NEK11: variants seen among roughly 807,000 people sequenced by gnomAD.
NEK11 encodes the protein serine/threonine-protein kinase Nek11.
NEK11 carries 72 observed loss-of-function variants against 80.7 expected under a neutral mutation model. That is an observed-to-expected ratio of 0.89 (90% confidence interval 0.74 to 1.08). The LOEUF (loss-of-function observed/expected upper bound fraction) is 1.08, where lower values mean the gene tolerates loss of function less well. Ranked by LOEUF, NEK11 falls within the 50% of genes least tolerant of loss-of-function variation. The probability of loss-of-function intolerance (pLI) is 0.00; values close to 1 mark genes in which losing one functional copy is unlikely to be tolerated. For synonymous variants in NEK11, 251 were observed against 260.7 expected (o/e 0.96, Z 0.36); for missense variants, 764 against 763.6 (o/e 1.00, Z -0.01).
At chr3:131,319,178 A>G (rs114639759) in intron 17 of NEK11, among the ~76,000 whole-genome samples, 1,565 of 152,294 alleles carry the variant, frequency 0.01, 21 homozygotes, top group African/African-American at 0.035. Flanking sequence ...TTATTGCCAA[A>G]TTGATTTCCA....
At chr3:131,230,904 A>G (rs2095316273) in intron 15 of NEK11, among the ~76,000 whole-genome samples, 1 of 152,138 alleles carries the variant, frequency 6.6e-6, no homozygotes, top group Non-Finnish European at 1.5e-5. Context: ...TTCTCATGGT[A>G]GTGAATAAGT....
chr3:131,038,170 A>T (rs766842889), intron 3 of NEK11, among the ~76,000 whole-genome samples: 2 of 152,184 alleles, frequency 1.3e-5, no homozygotes, highest in African/African-American at 2.4e-5. Flanking sequence ...TATTAAAAAC[A>T]GTTCAGATTC....
chr3:131,330,629 G>T (rs1045902747), intron 17 of NEK11: 2 of 152,158 alleles, frequency 1.3e-5, no homozygotes, highest in Non-Finnish European at 2.9e-5. Flanking sequence ...TATTTGAAGA[G>T]TCTGTCATCA....
chr3:131,055,159 A>C (rs2069218863), intron 3 of NEK11, among the ~76,000 whole-genome samples: 2 of 152,216 alleles, frequency 1.3e-5, no homozygotes, highest in South Asian at 4.1e-4. Flanking sequence ...TCCTGCAGTA[A>C]AAAATAGAGA....
In NEK11 at chr3:131,129,408, C is replaced by T. The variant is rs146499490; in HGVS notation, c.456-3337C>T. Among the ~76,000 whole-genome samples, 330 of 152,200 alleles carry T rather than the reference C, an allele frequency of 2.2e-3. 2 individuals carry two copies. Among genetic ancestry groups the T allele is most frequent in the Non-Finnish European group, 3.5e-3 (237 of 67,992 alleles). On this transcript the variant is annotated intron_variant, in intron 5 of 17. Transcript: ENST00000383366. ...TATTTTCTCCCAGTCTGTGGCTTAT[C>T]TTTTTATTCCTTGACAGTGTTTTCT...
rs1271737604 is a variant in NEK11 at position 131,149,577 on chromosome 3, A to G, written c.648-2811A>G. Among the ~76,000 whole-genome samples, 3 of 152,206 alleles carry G rather than the reference A, an allele frequency of 2.0e-5. No homozygotes were observed. The East Asian group carries it at 5.8e-4, about 29-fold the overall frequency. Reference sequence around the variant, plus strand: ...TATCTCTGTTTAATAGATAAAAACTATTCAGATTATCTTTTTCTTCTTGTG... The same window carrying G: ...TATCTCTGTTTAATAGATAAAAACTGTTCAGATTATCTTTTTCTTCTTGTG... On this transcript the variant is annotated intron_variant, in intron 7 of 17. Coordinates refer to ENST00000383366, the MANE Select transcript of NEK11 (RefSeq NM_024800.5).
chr3:131,237,183 A>C (rs2095444714), intron 15 of NEK11, among the ~76,000 whole-genome samples: 1 of 152,026 alleles, frequency 6.6e-6, no homozygotes, highest in Non-Finnish European at 1.5e-5. Flanking sequence ...CTACAAAAAA[A>C]TTTTAAAATA....
intron 3 of NEK11, among the ~76,000 whole-genome samples, chr3:131,063,517 A>T (rs781634438): frequency 2.0e-5 from 3 of 152,174 alleles, no homozygotes; most frequent in Non-Finnish European, 4.4e-5. Flanking sequence ...CAGAGTGGGA[A>T]ACAGAAGCAA....
chr3:131,073,802 T>G (rs2073867545), intron 3 of NEK11, among the ~76,000 whole-genome samples: 1 of 152,174 alleles, frequency 6.6e-6, no homozygotes, highest in African/African-American at 2.4e-5. Flanking sequence ...AACATTTTCT[T>G]ATGCATGGAC....
chr3:131,214,220 T>C (rs1222671814), intron 14 of NEK11, among the ~76,000 whole-genome samples: 1 of 152,226 alleles, frequency 6.6e-6, no homozygotes, highest in African/African-American at 2.4e-5. Flanking sequence ...TTGTCGTAAA[T>C]TTGTAAGTCT....
intron 15 of NEK11, among the ~76,000 whole-genome samples, chr3:131,231,082 C>T (rs1215942038): frequency 6.6e-6 from 1 of 152,092 alleles, no homozygotes; most frequent in Non-Finnish European, 1.5e-5. Flanking sequence ...TTATAAATTA[C>T]CCAGCCTCAC....
chr3:131,080,139 G>T (rs1251757357), intron 3 of NEK11, among the ~76,000 whole-genome samples: 1 of 151,898 alleles, frequency 6.6e-6, no homozygotes, highest in African/African-American at 2.4e-5. Flanking sequence ...GAAACATCTA[G>T]AGAGGTGGAG....
intron 12 of NEK11, among the ~76,000 whole-genome samples, chr3:131,165,866 A>AAC (rs1205023478): frequency 6.6e-6 from 1 of 152,072 alleles, no homozygotes; most frequent in Non-Finnish European, 1.5e-5. Context: ...TTGTTGCTTT[A>AAC]CCTCTTTAGT....
Position 131,102,337 on chromosome 3 carries a change from C to G in NEK11, c.337-7466C>G, listed in dbSNP as rs116981355. Among the ~76,000 whole-genome samples the G allele has an allele frequency of 1.8e-3, 280 of 152,242 alleles. 8 individuals are homozygous for G. In the East Asian group the frequency reaches 0.048, roughly 26 times the overall value. ...GCCATTCTTTCAATTCCACATTTAG[C>G]ACTCCCTTAAGGACCACTCGTGAGG... is the stretch of plus-strand genomic sequence containing the variant. On this transcript the variant is annotated intron_variant, in intron 4 of 17. Transcript: ENST00000383366.
At chr3:131,332,309 G>A (rs1306396383) in intron 17 of NEK11, among the ~76,000 whole-genome samples, 3 of 152,308 alleles carry the variant, frequency 2.0e-5, no homozygotes, top group East Asian at 1.9e-4. Flanking sequence ...CGTGGTTCAC[G>A]AAAATCCGCT....
intron 10 of NEK11, among the ~76,000 whole-genome samples, chr3:131,156,949 A>C (rs986317761): frequency 9.6e-5 from 14 of 145,592 alleles, no homozygotes; most frequent in South Asian, 6.4e-4. Flanking sequence ...GCATTCCACA[A>C]AAAAAAAAAA....
chr3:131,252,899 T>A (rs2095735492), intron 16 of NEK11, among the ~76,000 whole-genome samples: 1 of 152,114 alleles, frequency 6.6e-6, no homozygotes. Flanking sequence ...AAAATAAAAA[T>A]TTTATTTCCA....
intron 5 of NEK11, among the ~76,000 whole-genome samples, chr3:131,121,225 G>A (rs11914496): frequency 0.21 from 32,340 of 152,198 alleles, 3,796 homozygotes; most frequent in African/African-American, 0.32. Flanking sequence ...CTCAGCTGCA[G>A]GTCTGCTGGA....
rs946125529 is a variant in NEK11 at position 131,162,351 on chromosome 3, A to G, written c.963-57A>G. On this transcript the variant is annotated intron_variant, in intron 10 of 17. Transcript: ENST00000383366. Reference sequence around the variant, plus strand: ...TGATACTTTTATAAAATATTTGTTTAATTTTTCTGAACATGTTTGGGATGG... The same window carrying G: ...TGATACTTTTATAAAATATTTGTTTGATTTTTCTGAACATGTTTGGGATGG... The G allele has an allele frequency of 1.9e-6, 3 of 1,578,582 alleles. No homozygotes were observed. The African/African-American group carries it at 4.1e-5, about 22-fold the overall frequency.
Sources: gnomAD v4.1 joint callset for allele counts (sites outside exome capture counted in the v4.1 genomes callset) on GRCh38, gnomAD v4.1.1 for gene constraint, MANE v1.5 for transcripts, NCBI Gene and HGNC (gene_info 2026-07-23, HGNC 2026-07-21) for gene names.